Variants in AAR2 observed in about 807,000 individuals in gnomAD.
AAR2 encodes AAR2 splicing factor.
Under a neutral mutation model 26.9 loss-of-function variants are expected in AAR2, and 31 were observed. The ratio of observed to expected loss-of-function variants is 1.15; its 90% CI spans 0.86 to 1.55. AAR2 has a LOEUF of 1.55. AAR2 is among the 40% of genes most tolerant of loss of function. The pLI is 0.00. For synonymous variants in AAR2, 188 were observed against 196.1 expected (o/e 0.96, Z 0.34); for missense variants, 430 against 491.3 (o/e 0.88, Z 1.18).
At position 36,255,560 on chromosome 20, in the gene AAR2, ATCC is replaced by A. The variant is rs750402001; in HGVS notation, c.988-15_988-13del. ...CCCTCCGTCTTCTCAGGAGTGACTT[ATCC>A]TCTGTTCTCTGTAGGTTTTCTTTTC... On this transcript the variant is annotated splice_polypyrimidine_tract_variant and intron_variant, in intron 3 of 3. Coordinates refer to ENST00000320849, the MANE Select transcript of AAR2 (RefSeq NM_001271874.2). 64 of 1,613,926 alleles carry A rather than the reference ATCC, an allele frequency of 4.0e-5. No individual in the cohort carries two copies. The South Asian group carries it at 6.9e-4, about 17-fold the overall frequency.
At chr20:36,244,265 G>A (rs912323352) in intron 2 of AAR2, among the ~76,000 whole-genome samples, 1 of 152,162 alleles carries the variant, frequency 6.6e-6, no homozygotes, top group African/African-American at 2.4e-5. Context: ...CTACAGATAC[G>A]AAGGCCCCAT....
chr20:36,238,780 CAATT>C (rs964246775), intron 1 of AAR2, among the ~76,000 whole-genome samples: 2 of 144,486 alleles, frequency 1.4e-5, no homozygotes, highest in South Asian at 2.2e-4. Flanking sequence ...AAAAAGTAAA[CAATT>C]AAACAGGCAG....
At chr20:36,250,655 G>A (rs986001583) in intron 3 of AAR2, among the ~76,000 whole-genome samples, 9 of 152,234 alleles carry the variant, frequency 5.9e-5, no homozygotes, top group African/African-American at 1.4e-4. Flanking sequence ...CTAAGGGGCC[G>A]CACAAGGGAG....
chr20:36,249,482 G>C (rs575010467), intron 3 of AAR2, among the ~76,000 whole-genome samples: 1 of 152,248 alleles, frequency 6.6e-6, no homozygotes, highest in Admixed American at 6.5e-5. Flanking sequence ...AGTTACAATA[G>C]GCCGTATATG....
At chr20:36,245,621 T>G (rs1034080526) in intron 3 of AAR2, among the ~76,000 whole-genome samples, 2 of 152,108 alleles carry the variant, frequency 1.3e-5, no homozygotes. Flanking sequence ...CCCATGAGCT[T>G]CTTTCTTCTC....
chr20:36,245,530 A>G (rs548269159), intron 3 of AAR2, among the ~76,000 whole-genome samples: 37 of 152,344 alleles, frequency 2.4e-4, no homozygotes, highest in Non-Finnish European at 4.3e-4. Context: ...TACTTGGGAC[A>G]GCCTCTGTCA....
At chr20:36,251,735 A>G (rs918813761) in intron 3 of AAR2, among the ~76,000 whole-genome samples, 1 of 152,254 alleles carries the variant, frequency 6.6e-6, no homozygotes, top group Admixed American at 6.5e-5. Flanking sequence ...GAGTTCTTTA[A>G]AAAGGACGAA....
rs2064627878 is a variant in AAR2, at chr20:36,237,752, ATTATTAT to A, written c.-49+1251_-49+1257del. Among the ~76,000 whole-genome samples the A allele has an allele frequency of 6.5e-5, 4 of 61,102 alleles. No homozygotes were observed. The African/African-American group carries it at 7.6e-4, about 12-fold the overall frequency. 40.1% of individuals were successfully genotyped at this position (61,102 alleles called of 152,430 possible). A position where few individuals can be genotyped will look rare whatever the true frequency, so the allele number is the denominator to read the frequency against. ...GATTACAAATAGGAAGATGATACGT[ATTATTAT>A]TATTATTATTATTATTATTATTATT... On this transcript the variant is annotated intron_variant, in intron 1 of 3. Transcript: ENST00000320849.
chr20:36,239,472 A>C (rs2064652565), intron 1 of AAR2, among the ~76,000 whole-genome samples: 1 of 152,216 alleles, frequency 6.6e-6, no homozygotes, highest in South Asian at 2.1e-4. Flanking sequence ...TGTTGTGAGA[A>C]AGAGATCTGA....
intron 3 of AAR2, among the ~76,000 whole-genome samples, chr20:36,245,208 A>G (rs1157511802): frequency 6.6e-6 from 1 of 152,176 alleles, no homozygotes; most frequent in East Asian, 1.9e-4. Flanking sequence ...TACTCAGCTT[A>G]AAACAGCGTT....
intron 1 of AAR2, 132 bp downstream of exon 1, chr20:36,236,635 CTGTT>C (rs1296129798): frequency 1.3e-5 from 2 of 152,238 alleles, no homozygotes; most frequent in African/African-American, 4.8e-5. Flanking sequence ...GGCTGGTTCT[CTGTT>C]TGTGGGACGC....
chr20:36,252,583 G>A (rs933007318), intron 3 of AAR2, among the ~76,000 whole-genome samples: 3 of 152,188 alleles, frequency 2.0e-5, no homozygotes, highest in African/African-American at 7.2e-5. Context: ...CATAGGTGAA[G>A]GAGGAGAAAG....
At chr20:36,245,146 G>C (rs1345941097) in intron 3 of AAR2, among the ~76,000 whole-genome samples, 1 of 152,092 alleles carries the variant, frequency 6.6e-6, no homozygotes, top group Non-Finnish European at 1.5e-5. Context: ...CTCGTCCCCA[G>C]AGTGCCTAAC....
rs74675977 is a variant in AAR2 at position 36,253,949 on chromosome 20, G to A, written c.988-1629G>A. On this transcript the variant is annotated intron_variant, in intron 3 of 3. Transcript: ENST00000320849. Reference sequence around the variant, plus strand: ...TAAACACACAGAGAAAATAACAGGCGTTGGCCAGGATGTGGAGAAATGAGA... The same window carrying A: ...TAAACACACAGAGAAAATAACAGGCATTGGCCAGGATGTGGAGAAATGAGA... Among the ~76,000 whole-genome samples the A allele has an allele frequency of 6.7e-3, 1,019 of 152,314 alleles. 6 individuals are homozygous for A. The highest frequency in any genetic ancestry group is 0.023 in the African/African-American group (962 of 41,562).
chr20:36,244,400 T>C (rs1480313299), intron 2 of AAR2, among the ~76,000 whole-genome samples: 2 of 152,228 alleles, frequency 1.3e-5, no homozygotes, highest in African/African-American at 4.8e-5. Flanking sequence ...TGAACACATT[T>C]TGTAAACTTA....
At chr20:36,250,890 C>CA (rs1441334832) in intron 3 of AAR2, among the ~76,000 whole-genome samples, 1 of 151,710 alleles carries the variant, frequency 6.6e-6, no homozygotes, top group East Asian at 1.9e-4. Context: ...CCTGACTCTA[C>CA]AAAAAATTAA....
At chr20:36,246,044 G>A (rs1471566318) in intron 3 of AAR2, among the ~76,000 whole-genome samples, 5 of 152,182 alleles carry the variant, frequency 3.3e-5, no homozygotes, top group Non-Finnish European at 4.4e-5. Context: ...TCCCTTTGGA[G>A]CCTTGTAAGA....
At chr20:36,242,615 G>T (rs939035747) in intron 2 of AAR2, among the ~76,000 whole-genome samples, 14 of 151,626 alleles carry the variant, frequency 9.2e-5, no homozygotes, top group African/African-American at 2.2e-4. Flanking sequence ...GGATGGTCTC[G>T]ATCTCCTGAC....
chr20:36,255,527 G>T (rs983648900), intron 3 of AAR2, 51 bp from the exon 4 acceptor site: 3 of 1,599,948 alleles, frequency 1.9e-6, no homozygotes, highest in East Asian at 2.2e-5. Flanking sequence ...CAGCTTTCTC[G>T]CCCCCTGCCC....
Sources: gnomAD v4.1 joint callset for allele counts (sites outside exome capture counted in the v4.1 genomes callset) on GRCh38, gnomAD v4.1.1 for gene constraint, MANE v1.5 for transcripts, NCBI Gene and HGNC (gene_info 2026-07-23, HGNC 2026-07-21) for gene names.